Variants in CNBD1 observed in about 807,000 individuals in gnomAD.
CNBD1 encodes cyclic nucleotide binding domain containing 1, also known as cyclic nucleotide-binding domain-containing protein 1.
A neutral mutation model predicts 54.4 loss-of-function variants in CNBD1; 71 were observed. The ratio of observed to expected loss-of-function variants is 1.30; its 90% CI spans 1.08 to 1.59. The LOEUF is 1.59. CNBD1 is among the 40% of genes most tolerant of loss of function. The pLI is 0.00. For synonymous variants in CNBD1, 182 were observed against 170.7 expected (o/e 1.07, Z -0.51); for missense variants, 659 against 518.0 (o/e 1.27, Z -2.64).
chr8:87,135,948 G>A (rs1812217964), intron 4 of CNBD1, among the ~76,000 whole-genome samples: 1 of 152,108 alleles, frequency 6.6e-6, no homozygotes, highest in East Asian at 1.9e-4. Context: ...ATCAATTAAA[G>A]TCAGTGGTAT....
chr8:87,420,268 G>C (rs984967081), intron 2 of CNBD1, among the ~76,000 whole-genome samples: 1 of 151,826 alleles, frequency 6.6e-6, no homozygotes, highest in African/African-American at 2.4e-5. Context: ...CAACTCTTGA[G>C]GGCATTCTTC....
At chr8:87,352,479 A>AAAAAG (rs1810322545) in intron 9 of CNBD1, among the ~76,000 whole-genome samples, 1 of 15,416 alleles carries the variant, frequency 6.5e-5, no homozygotes, top group Non-Finnish European at 1.3e-4. Context: ...ACTCTGTCTC[A>AAAAAG]AAAAAAAAAA....
intron 6 of CNBD1, among the ~76,000 whole-genome samples, chr8:87,267,237 C>G (rs1238592116): frequency 6.6e-6 from 1 of 151,994 alleles, no homozygotes; most frequent in African/African-American, 2.4e-5. Flanking sequence ...TTGGCAAGTA[C>G]AAGTATGTTC....
intron 1 of CNBD1, among the ~76,000 whole-genome samples, chr8:86,884,523 T>C (rs1021263803): frequency 6.6e-6 from 1 of 151,712 alleles, no homozygotes; most frequent in African/African-American, 2.4e-5. Flanking sequence ...ACCATTAACA[T>C]AGGTATGTTT....
At chr8:87,107,577 A>G (rs775281538) in intron 4 of CNBD1, among the ~76,000 whole-genome samples, 23 of 152,204 alleles carry the variant, frequency 1.5e-4, no homozygotes, top group Non-Finnish European at 2.9e-5. Flanking sequence ...ATTTTGTTTT[A>G]TCTATGAGAA....
chr8:87,113,204 G>C (rs1746416789), intron 4 of CNBD1, among the ~76,000 whole-genome samples: 1 of 152,212 alleles, frequency 6.6e-6, no homozygotes, highest in East Asian at 1.9e-4. Context: ...AAGAGTTCCA[G>C]TGTGAGCCAT....
At chr8:87,318,417 G>A (rs936877322) in intron 8 of CNBD1, among the ~76,000 whole-genome samples, 1 of 152,104 alleles carries the variant, frequency 6.6e-6, no homozygotes, top group African/African-American at 2.4e-5. Context: ...GATCAGAACA[G>A]TGTTTAGTTT....
intron 4 of CNBD1, among the ~76,000 whole-genome samples, chr8:87,033,421 C>T (rs762381653): frequency 2.0e-5 from 3 of 152,224 alleles, no homozygotes; most frequent in Non-Finnish European, 2.9e-5. Context: ...TTCTTGACTT[C>T]GGGGACAAGG....
rs531623555 is a variant in CNBD1, at chr8:87,279,936, T to C, written c.772-4742T>C. Among the ~76,000 whole-genome samples, 38 of 151,720 alleles carry C rather than the reference T, an allele frequency of 2.5e-4. No individual in the cohort carries two copies. The South Asian group carries it at 7.5e-3, about 30-fold the overall frequency. ...ACAAACTGATTTGATTTGTAGGTTT[T>C]ACTTAGAAAGTGCATATTCATATTA... On this transcript the variant is annotated intron_variant, in intron 6 of 10. Transcript: ENST00000518476.
At chr8:86,916,029 T>G (rs115810995) in intron 3 of CNBD1, among the ~76,000 whole-genome samples, 1 of 152,164 alleles carries the variant, frequency 6.6e-6, no homozygotes, top group African/African-American at 2.4e-5. Context: ...TTTCCTTCCC[T>G]GTATCCCATG....
At chr8:87,332,176 C>T (rs759391875) in intron 8 of CNBD1, among the ~76,000 whole-genome samples, 10 of 151,964 alleles carry the variant, frequency 6.6e-5, no homozygotes, top group Non-Finnish European at 1.3e-4. Context: ...GGGGAAACCC[C>T]GTCTCTATTA....
intron 4 of CNBD1, among the ~76,000 whole-genome samples, chr8:87,079,650 A>T (rs1241394324): frequency 6.6e-6 from 1 of 152,142 alleles, no homozygotes; most frequent in African/African-American, 2.4e-5. Flanking sequence ...GTATCTGTAC[A>T]AAACTTTGGC....
intron 2 of CNBD1, among the ~76,000 whole-genome samples, chr8:87,407,834 T>A (rs960385247): frequency 6.6e-6 from 1 of 152,084 alleles, no homozygotes; most frequent in Non-Finnish European, 1.5e-5. Context: ...ATTTGAATAA[T>A]GACTGCTTTG....
chr8:87,183,385 G>GTTTTTTTTTTTTT (rs3056356), intron 4 of CNBD1, among the ~76,000 whole-genome samples: 1 of 118,430 alleles, frequency 8.4e-6, no homozygotes, highest in Non-Finnish European at 1.7e-5. Flanking sequence ...TGCGCTGTTT[G>GTTTTTTTTTTTTT]TTTTTTTTTT....
At chr8:87,386,173 C>CA (rs1265755094), downstream of CNBD1, among the ~76,000 whole-genome samples, 1 of 151,936 alleles carries the variant, frequency 6.6e-6, no homozygotes, top group Admixed American at 6.6e-5. Flanking sequence ...AAAAACAGAG[C>CA]AAAAAAACTG....
intron 5 of CNBD1, among the ~76,000 whole-genome samples, chr8:87,206,553 G>C (rs1563507525): frequency 6.6e-6 from 1 of 152,030 alleles, no homozygotes; most frequent in Non-Finnish European, 1.5e-5. Flanking sequence ...ACAATATAGT[G>C]TTGATTTTCA....
At chr8:87,257,576 C>T (rs1335194923) in intron 6 of CNBD1, among the ~76,000 whole-genome samples, 1 of 151,946 alleles carries the variant, frequency 6.6e-6, no homozygotes, top group Non-Finnish European at 1.5e-5. Context: ...CATGATAAGT[C>T]ATGGAATGCA....
chr8:87,401,458 C>T (rs1807562341), intron 2 of CNBD1, among the ~76,000 whole-genome samples: 1 of 152,066 alleles, frequency 6.6e-6, no homozygotes, highest in Non-Finnish European at 1.5e-5. Context: ...GAATGCCCTT[C>T]AGTGCTGAGA....
intron 2 of CNBD1, among the ~76,000 whole-genome samples, chr8:87,425,335 C>A (rs528902144): frequency 5.9e-5 from 9 of 152,202 alleles, no homozygotes; most frequent in African/African-American, 1.9e-4. Flanking sequence ...AGTCATTCTC[C>A]GTCCAGCTTT....
Sources: allele counts gnomAD v4.1 joint callset (sites outside exome capture counted in the v4.1 genomes callset), GRCh38; gene constraint gnomAD v4.1.1; transcripts MANE v1.5; gene names NCBI Gene and HGNC (gene_info 2026-07-23, HGNC 2026-07-21).